Variants in PPM1G observed in about 807,000 individuals in gnomAD.
The protein encoded by PPM1G is protein phosphatase 1G.
In PPM1G, 12 loss-of-function variants were observed where a neutral mutation model predicts 59.4. That is an observed-to-expected ratio of 0.20 (90% CI 0.13 to 0.33). PPM1G has a LOEUF of 0.33. PPM1G is among the 10% of genes least tolerant of loss of function. The probability of loss-of-function intolerance (pLI) is 1.00; values close to 1 mark genes in which losing one functional copy is unlikely to be tolerated. For synonymous variants in PPM1G, 245 were observed against 251.9 expected (o/e 0.97, Z 0.26); for missense variants, 392 against 681.3 (o/e 0.58, Z 4.73).
At chr2:27,403,920 A>T (rs1256747715) in intron 1 of PPM1G, among the ~76,000 whole-genome samples, 1 of 152,150 alleles carries the variant, frequency 6.6e-6, no homozygotes, top group Non-Finnish European at 1.5e-5. Flanking sequence ...TGGTTTAGTA[A>T]GTAAAAAGCG....
intron 1 of PPM1G, among the ~76,000 whole-genome samples, chr2:27,392,092 CAAAA>C (rs76478913): frequency 7.4e-6 from 1 of 135,358 alleles, no homozygotes; most frequent in African/African-American, 2.7e-5. Context: ...CAGCAGTCTG[CAAAA>C]AAAAAAAAAT....
intron 1 of PPM1G, among the ~76,000 whole-genome samples, chr2:27,392,611 T>TGGGGG (rs35793123): frequency 6.8e-5 from 7 of 102,736 alleles, no homozygotes; most frequent in African/African-American, 1.9e-4. Flanking sequence ...ATTTTTTTTT[T>TGGGGG]GGGGGGGGGG....
chr2:27,388,613 C>G (rs1683823630), intron 1 of PPM1G, among the ~76,000 whole-genome samples: 2 of 151,994 alleles, frequency 1.3e-5, no homozygotes, highest in Admixed American at 1.3e-4. Context: ...CAGTGGCTCA[C>G]TCCTGTAATC....
intron 1 of PPM1G, among the ~76,000 whole-genome samples, chr2:27,397,844 G>A (rs540904723): frequency 1.3e-5 from 2 of 152,242 alleles, no homozygotes; most frequent in African/African-American, 4.8e-5. Context: ...GCTACAGCCT[G>A]AGGGACAGAG....
chr2:27,407,655 G>C (rs1021227916), intron 1 of PPM1G, among the ~76,000 whole-genome samples: 1 of 152,148 alleles, frequency 6.6e-6, no homozygotes, highest in African/African-American at 2.4e-5. Context: ...GTTTGACATA[G>C]ATGATTAACA....
At position 27,381,352 on chromosome 2, in the gene PPM1G, C is replaced by T; in HGVS notation, c.*247G>A. 3.6e-6 allele frequency: 2 copies of T among 561,932 alleles called. No homozygotes were observed. Among genetic ancestry groups the T allele is most frequent in the Non-Finnish European group, 6.4e-6 (2 of 312,704 alleles). 34.8% of individuals were successfully genotyped at this position (561,932 alleles called of 1,614,324 possible). On this transcript the variant is annotated 3_prime_UTR_variant, in exon 10 of 10. Coordinates refer to ENST00000344034, the MANE Select transcript of PPM1G (RefSeq NM_177983.3). The stretch of plus-strand genomic sequence containing the variant: ...AACCAGAACCGCCAGTCCTTCCCTC[C>T]AACACAACAGAGCACAGGCACAGAA...
intron 1 of PPM1G, chr2:27,393,142 G>A (rs1269067746): frequency 1.4e-6 from 2 of 1,387,926 alleles, no homozygotes; most frequent in East Asian, 2.3e-5. Context: ...CCACCTCGTT[G>A]GTTCTACAGC....
intron 1 of PPM1G, among the ~76,000 whole-genome samples, chr2:27,406,004 A>AAAAAC (rs547732540): frequency 6.6e-5 from 10 of 152,266 alleles, no homozygotes; most frequent in African/African-American, 2.4e-4. Flanking sequence ...ACTCCGTCTC[A>AAAAAC]AAAACAAAAC....
chr2:27,398,647 C>T (rs2148425648), intron 1 of PPM1G, among the ~76,000 whole-genome samples: 1 of 151,642 alleles, frequency 6.6e-6, no homozygotes, highest in South Asian at 2.1e-4. Flanking sequence ...CATGGTGAAA[C>T]CCCGTCTCTA....
chr2:27,408,789 G>C (rs1663440182), intron 1 of PPM1G, among the ~76,000 whole-genome samples: 1 of 152,114 alleles, frequency 6.6e-6, no homozygotes, highest in African/African-American at 2.4e-5. Flanking sequence ...AGAGCCCAAG[G>C]CCAGGCAACC....
chr2:27,392,611 T>TGGGGGG (rs35793123), intron 1 of PPM1G, among the ~76,000 whole-genome samples: 1 of 102,754 alleles, frequency 9.7e-6, no homozygotes, highest in Non-Finnish European at 1.9e-5. Context: ...ATTTTTTTTT[T>TGGGGGG]GGGGGGGGGG....
Position 27,381,566 on chromosome 2 carries a change from AAC to A in PPM1G, c.*31_*32del. ...AGTCTCAGGTCCGGAGGGCTCAGAA[AAC>A]AGTCTAGGTGGGCAGGGGTCTGGAT... On this transcript the variant is annotated 3_prime_UTR_variant, in exon 10 of 10. Transcript: ENST00000344034. 2 of 1,613,072 alleles carry A rather than the reference AAC, an allele frequency of 1.2e-6. No individual in the cohort carries two copies. Among genetic ancestry groups the A allele is most frequent in the Admixed American group, 1.7e-5 (1 of 60,004 alleles).
rs1031170487 is a variant in PPM1G, at chr2:27,382,257, T to C, written c.1332-29A>G. The C allele has an allele frequency of 1.9e-6, 3 of 1,607,070 alleles. No individual in the cohort carries two copies. Among genetic ancestry groups the C allele is most frequent in the African/African-American group, 2.7e-5 (2 of 74,774 alleles). On this transcript the variant is annotated intron_variant, in intron 8 of 9. Transcript: ENST00000344034. This position sits in a 1 kb window ranked among gnomAD's most constrained non-coding sequence, Gnocchi z 4.2. ...GGGTCAAGAACAACAGTCAGAATCT[T>C]CCAGTCTCACTAAGGCAGCGTAGAG... is the stretch of plus-strand genomic sequence containing the variant.
In PPM1G at chr2:27,400,294, C is replaced by T. The variant is rs139793988; in HGVS notation, c.120+9009G>A. Among the ~76,000 whole-genome samples the T allele has an allele frequency of 1.5e-3, 230 of 151,968 alleles. 2 individuals are homozygous for T. The highest frequency in any genetic ancestry group is 0.012 in the South Asian group (57 of 4,808). Reference sequence around the variant, plus strand: ...GTGGGTACCTGTAGTCCCAGCTACTCGGGAGGCTGAGGCAGGAGAATCGCT... The same window carrying T: ...GTGGGTACCTGTAGTCCCAGCTACTTGGGAGGCTGAGGCAGGAGAATCGCT... On this transcript the variant is annotated intron_variant, in intron 1 of 9. Coordinates refer to ENST00000344034, the MANE Select transcript of PPM1G (RefSeq NM_177983.3).
chr2:27,401,264 G>A lies in PPM1G; in HGVS notation c.120+8039C>T, dbSNP rs182889204. Among the ~76,000 whole-genome samples the A allele has an allele frequency of 8.0e-3, 1,225 of 152,266 alleles. 9 individuals carry two copies. Among genetic ancestry groups the A allele is most frequent in the Middle Eastern group, 0.014 (4 of 294 alleles). On this transcript the variant is annotated intron_variant, in intron 1 of 9. Coordinates refer to ENST00000344034, the MANE Select transcript of PPM1G (RefSeq NM_177983.3). ...GGGTAGAGGGAATACTTGGGGTGGA[G>A]AGTAATTTACTCTTCCAGGGGCCAA...
At chr2:27,407,613 G>A (rs1318963481) in intron 1 of PPM1G, among the ~76,000 whole-genome samples, 1 of 152,144 alleles carries the variant, frequency 6.6e-6, no homozygotes, top group Non-Finnish European at 1.5e-5. Context: ...GTTATACTGT[G>A]TATGGTGGTG....
intron 1 of PPM1G, among the ~76,000 whole-genome samples, chr2:27,394,999 G>A (rs1326409234): frequency 6.6e-6 from 1 of 151,960 alleles, no homozygotes; most frequent in East Asian, 1.9e-4. Flanking sequence ...GGAGGCCAAG[G>A]CGGGTGGATC....
chr2:27,398,318 G>A (rs531645651), intron 1 of PPM1G, among the ~76,000 whole-genome samples: 1 of 152,272 alleles, frequency 6.6e-6, no homozygotes, highest in African/African-American at 2.4e-5. Flanking sequence ...ACAAAAGAAT[G>A]AAGTTGGATC....
At position 27,383,274 on chromosome 2, in the gene PPM1G, G is replaced by A; in HGVS notation, c.1201+92C>T. The A allele has an allele frequency of 8.9e-7, 1 of 1,127,834 alleles. No individual in the cohort carries two copies. Among genetic ancestry groups the A allele is most frequent in the Non-Finnish European group, 1.3e-6 (1 of 761,944 alleles). 69.9% of individuals were successfully genotyped at this position (1,127,834 alleles called of 1,614,324 possible). On this transcript the variant is annotated intron_variant, in intron 7 of 9. Transcript: ENST00000344034. This position sits in a 1 kb window ranked among gnomAD's most constrained non-coding sequence, Gnocchi z 5.0. ...AGTAGATATTAAAGTGCTTTGAAAG[G>A]CACAAGCACTAGGAAGATTAAAGTT...
Sources: gnomAD v4.1 joint callset for allele counts (sites outside exome capture counted in the v4.1 genomes callset) on GRCh38, gnomAD v4.1.1 for gene constraint, Gnocchi (gnomAD v3.1) non-coding constraint, MANE v1.5 for transcripts, NCBI Gene and HGNC (gene_info 2026-07-23, HGNC 2026-07-21) for gene names.